PRKCE: variants seen among roughly 807,000 people sequenced by gnomAD.
PRKCE encodes the protein protein kinase C epsilon, also known as protein kinase C epsilon type.
Under a neutral mutation model 85.4 loss-of-function variants are expected in PRKCE, and 16 were observed. The ratio of observed to expected loss-of-function variants is 0.19; its 90% CI spans 0.13 to 0.28. The LOEUF (loss-of-function observed/expected upper bound fraction) is 0.28, where lower values mean the gene tolerates loss of function less well. PRKCE is among the 10% of genes least tolerant of loss of function. PRKCE has a pLI of 1.00. For synonymous variants in PRKCE, 388 were observed against 371.5 expected, an observed-to-expected ratio of 1.04 and a Z score of -0.51; for missense variants, 573 against 975.2, an observed-to-expected ratio of 0.59 and a Z score of 5.49.
intron 1 of PRKCE, among the ~76,000 whole-genome samples, chr2:45,833,757 T>C (rs1221735588): frequency 6.6e-6 from 1 of 152,252 alleles, no homozygotes; most frequent in African/African-American, 2.4e-5. Context: ...TAGGGACCAT[T>C]GCAAATCAAA....
At chr2:45,998,431 C>G (rs1055737757) in intron 6 of PRKCE, among the ~76,000 whole-genome samples, 2 of 152,168 alleles carry the variant, frequency 1.3e-5, no homozygotes, top group African/African-American at 4.8e-5. Flanking sequence ...AATAACTTTC[C>G]TTGCTCTGAA....
At chr2:45,716,415 G>A (rs571332893) in intron 1 of PRKCE, among the ~76,000 whole-genome samples, 1 of 152,078 alleles carries the variant, frequency 6.6e-6, no homozygotes, top group Non-Finnish European at 1.5e-5. Flanking sequence ...TACTTGGGAG[G>A]CTGAGGCACG....
In PRKCE at chr2:45,652,575, G is replaced by A; in HGVS notation, c.348+127G>A. ...GGGGTGTGTGTGCCTGTAAGTCTCA[G>A]TTTCCTTGGGGAGGTACACTTCACT... On this transcript the variant is annotated intron_variant, in intron 1 of 14. Coordinates refer to ENST00000306156, the MANE Select transcript of PRKCE (RefSeq NM_005400.3). The surrounding 1 kb of genome is among the most constrained non-coding windows in gnomAD (Gnocchi z 7.7). 1 of 907,214 alleles carries A rather than the reference G, an allele frequency of 1.1e-6. No homozygotes were observed. Among genetic ancestry groups the A allele is most frequent in the South Asian group, 1.8e-5 (1 of 56,930 alleles). The allele number at this position is 907,214 out of a possible 1,614,324, so 56.2% of individuals were successfully genotyped here. A position where few individuals can be genotyped will look rare whatever the true frequency, so the allele number is the denominator to read the frequency against.
intron 10 of PRKCE, among the ~76,000 whole-genome samples, chr2:46,048,005 T>C (rs1339310780): frequency 1.3e-5 from 2 of 152,234 alleles, no homozygotes; most frequent in Admixed American, 6.5e-5. Context: ...CTAACTCACA[T>C]ATTAATTATC....
intron 9 of PRKCE, among the ~76,000 whole-genome samples, chr2:46,008,848 T>G (rs911185208): frequency 1.3e-5 from 2 of 152,216 alleles, no homozygotes; most frequent in African/African-American, 4.8e-5. Flanking sequence ...GTAGGCAGAA[T>G]GGGAACTTAG....
At chr2:46,010,963 G>T in intron 10 of PRKCE, 1 of 1,390,538 alleles carries the variant, frequency 7.2e-7, no homozygotes, top group Non-Finnish European at 9.3e-7. Flanking sequence ...GTGAACAAAT[G>T]CTTAAAATTT....
chr2:45,678,651 AAATT>A (rs1395309078), intron 1 of PRKCE, among the ~76,000 whole-genome samples: 2 of 152,194 alleles, frequency 1.3e-5, no homozygotes, highest in African/African-American at 4.8e-5. Context: ...CAAGATAAAT[AAATT>A]ATTTACTGTC....
intron 1 of PRKCE, among the ~76,000 whole-genome samples, chr2:45,698,740 G>C (rs1343449309): frequency 6.6e-6 from 1 of 152,144 alleles, no homozygotes; most frequent in African/African-American, 2.4e-5. Context: ...AAGCCATCTG[G>C]AAAAACAGCC....
At chr2:45,873,829 G>A (rs1284593320) in intron 2 of PRKCE, among the ~76,000 whole-genome samples, 1 of 152,172 alleles carries the variant, frequency 6.6e-6, no homozygotes, top group African/African-American at 2.4e-5. Flanking sequence ...GTTTACCAGA[G>A]GATGCCTATA....
chr2:45,805,146 TTATC>T, intron 1 of PRKCE, among the ~76,000 whole-genome samples: 1 of 152,306 alleles, frequency 6.6e-6, no homozygotes, highest in Non-Finnish European at 1.5e-5. Context: ...GAGCACTAAT[TTATC>T]TAATCTTTAC....
intron 2 of PRKCE, among the ~76,000 whole-genome samples, chr2:45,876,549 T>A (rs982516913): frequency 2.6e-5 from 4 of 152,248 alleles, no homozygotes; most frequent in African/African-American, 9.6e-5. Flanking sequence ...TTTTTAATTT[T>A]TGCCTAACCC....
chr2:46,073,212 T>C (rs1668227572), intron 10 of PRKCE, among the ~76,000 whole-genome samples: 1 of 152,168 alleles, frequency 6.6e-6, no homozygotes, highest in South Asian at 2.1e-4. Context: ...AGGAACTCAT[T>C]GTAGAACAAG....
At position 45,823,359 on chromosome 2, in the gene PRKCE, T is replaced by A. The variant is rs1689690850; in HGVS notation, c.349-19641T>A. Among the ~76,000 whole-genome samples, 3 of 152,234 alleles carry A rather than the reference T, an allele frequency of 2.0e-5. No homozygotes were observed. In the South Asian group the frequency reaches 6.2e-4, roughly 31 times the overall value. ...GGAACTGGAATTGGTTGGAAAATAT[T>A]TCACCCCTAGTAGCTGAGCTGTTGA... On this transcript the variant is annotated intron_variant, in intron 1 of 14. Coordinates refer to ENST00000306156, the MANE Select transcript of PRKCE (RefSeq NM_005400.3).
chr2:45,758,577 C>A (rs889993540), intron 1 of PRKCE, among the ~76,000 whole-genome samples: 2 of 152,176 alleles, frequency 1.3e-5, no homozygotes, highest in African/African-American at 4.8e-5. Flanking sequence ...CCAAATGTTA[C>A]CCCATCAGAG....
intron 1 of PRKCE, among the ~76,000 whole-genome samples, chr2:45,823,264 C>T (rs996356428): frequency 6.6e-6 from 1 of 152,236 alleles, no homozygotes; most frequent in African/African-American, 2.4e-5. Context: ...CCTGCTACTT[C>T]AAACGACACA....
Position 46,164,086 on chromosome 2 carries a change from A to C in PRKCE, c.2067+4334A>C, listed in dbSNP as rs867268302. Among the ~76,000 whole-genome samples, 4 of 152,360 alleles carry C rather than the reference A, an allele frequency of 2.6e-5. No individual in the cohort carries two copies. In the Middle Eastern group the frequency reaches 0.01, roughly 389 times the overall value. On this transcript the variant is annotated intron_variant, in intron 14 of 14. Coordinates refer to ENST00000306156, the MANE Select transcript of PRKCE (RefSeq NM_005400.3). ...GTATCAAATAACTTGAGGACATGTGAGATGCCTTCCTAGCAGAGCTGGGAA... is the reference window on the plus strand; with the variant it reads ...GTATCAAATAACTTGAGGACATGTGCGATGCCTTCCTAGCAGAGCTGGGAA...
chr2:46,126,628 A>G (rs1010473320), intron 11 of PRKCE, among the ~76,000 whole-genome samples: 6 of 152,208 alleles, frequency 3.9e-5, no homozygotes, highest in Non-Finnish European at 7.3e-5. Flanking sequence ...CCATTTGAAT[A>G]TCAGATTAAA....
At chr2:45,971,801 T>C (rs751902867) in intron 2 of PRKCE, among the ~76,000 whole-genome samples, 8 of 152,238 alleles carry the variant, frequency 5.3e-5, no homozygotes, top group Non-Finnish European at 1.2e-4. Context: ...CTTTCCGCCT[T>C]GTGTTTTCTT....
intron 2 of PRKCE, among the ~76,000 whole-genome samples, chr2:45,914,964 A>C (rs749607573): frequency 6.6e-6 from 1 of 152,212 alleles, no homozygotes; most frequent in African/African-American, 2.4e-5. Flanking sequence ...GTTTGAGACA[A>C]GAGTCTCTGT....
Sources: gnomAD v4.1 joint callset for allele counts (sites outside exome capture counted in the v4.1 genomes callset) on GRCh38, gnomAD v4.1.1 for gene constraint, Gnocchi (gnomAD v3.1) non-coding constraint, MANE v1.5 for transcripts, NCBI Gene and HGNC (gene_info 2026-07-23, HGNC 2026-07-21) for gene names.